PTPN5: variants seen among roughly 807,000 people sequenced by gnomAD.
PTPN5 encodes tyrosine-protein phosphatase non-receptor type 5.
Under a neutral mutation model 73.9 loss-of-function variants are expected in PTPN5, and 29 were observed. The observed-to-expected ratio is 0.39, with a 90% CI of 0.29 to 0.54. The LOEUF (loss-of-function observed/expected upper bound fraction) is 0.54. PTPN5 is among the 20% of genes least tolerant of loss of function. The pLI is 0.65. For synonymous variants in PTPN5, 267 were observed against 304.7 expected, an observed-to-expected ratio of 0.88 and a Z score of 1.29; for missense variants, 652 against 751.4, an observed-to-expected ratio of 0.87 and a Z score of 1.55.
intron 8 of PTPN5, 144 bp downstream of exon 8, chr11:18,740,459 C>T: frequency 1.5e-6 from 1 of 669,640 alleles, no homozygotes; most frequent in Non-Finnish European, 2.3e-6. Context: ...AAGCAGCTTG[C>T]CCAAGATGGT....
intron 3 of PTPN5, among the ~76,000 whole-genome samples, chr11:18,756,928 A>AC (rs1850175288): frequency 1.3e-5 from 2 of 148,428 alleles, no homozygotes; most frequent in Non-Finnish European, 3.0e-5. Flanking sequence ...CATCAAAAAA[A>AC]AAAAAAAACC....
At position 18,750,149 on chromosome 11, in the gene PTPN5, A is replaced by C. The variant is rs569532942; in HGVS notation, c.98-5950T>G. Among the ~76,000 whole-genome samples the C allele has an allele frequency of 2.6e-4, 40 of 152,324 alleles. No homozygotes were observed. The South Asian group carries it at 8.3e-3, about 32-fold the overall frequency. ...ACAGCCAGCCAAGGGCAGAGCCTGA[A>C]CGTTGAAGACTTACCGTGTGCTGGG... On this transcript the variant is annotated intron_variant, in intron 3 of 14. Transcript: ENST00000358540.
chr11:18,769,935 C>T (rs545236113), intron 2 of PTPN5, among the ~76,000 whole-genome samples: 7 of 152,156 alleles, frequency 4.6e-5, no homozygotes, highest in South Asian at 2.1e-4. Flanking sequence ...CCTGGGGTGG[C>T]GGGGGAAGCC....
chr11:18,740,123 T>G (rs1282249329), intron 8 of PTPN5, among the ~76,000 whole-genome samples: 3 of 152,214 alleles, frequency 2.0e-5, no homozygotes, highest in Non-Finnish European at 4.4e-5. Flanking sequence ...AGGAGGCAGC[T>G]GGAGGCTGCT....
At chr11:18,751,736 T>C (rs1230729996) in intron 3 of PTPN5, among the ~76,000 whole-genome samples, 1 of 152,216 alleles carries the variant, frequency 6.6e-6, no homozygotes, top group Non-Finnish European at 1.5e-5. Context: ...ACATGGGTGC[T>C]CACCACTTAT....
At chr11:18,766,402 G>T (rs1035978721) in intron 2 of PTPN5, among the ~76,000 whole-genome samples, 1 of 152,140 alleles carries the variant, frequency 6.6e-6, no homozygotes, top group Admixed American at 6.5e-5. Context: ...CAAGAAGAGG[G>T]CTCTGAGTAA....
intron 2 of PTPN5, among the ~76,000 whole-genome samples, chr11:18,769,940 G>T (rs1280353206): frequency 6.6e-6 from 1 of 152,128 alleles, no homozygotes; most frequent in African/African-American, 2.4e-5. Context: ...GGTGGCGGGG[G>T]AAGCCCTCTT....
Position 18,728,970 on chromosome 11 carries a change from G to A in PTPN5, c.1662C>T (p.Leu554=). The A allele has an allele frequency of 6.8e-6, 11 of 1,613,550 alleles. No individual in the cohort carries two copies. The highest frequency in any genetic ancestry group is 9.3e-6 in the Non-Finnish European group (11 of 1,179,792). Residue 554 remains leucine (L), a synonymous_variant, in exon 15 of 15, where the codon CTC becomes CTT. Coordinates refer to ENST00000358540, the MANE Select transcript of PTPN5 (RefSeq NM_006906.2). The surrounding 1 kb of genome is among the most constrained non-coding windows in gnomAD (Gnocchi z 4.1). ...ACTGGTGGGACAGCTGCTTTTCGTAGAGGCTCATGACGTGGTGCACAAACT... is the reference window on the plus strand; with the variant it reads ...ACTGGTGGGACAGCTGCTTTTCGTAAAGGCTCATGACGTGGTGCACAAACT... ...QYQFVHHVMS[L]YEKQLSHQSP...
At chr11:18,758,838 G>A (rs1434214670) in intron 3 of PTPN5, among the ~76,000 whole-genome samples, 1 of 152,196 alleles carries the variant, frequency 6.6e-6, no homozygotes, top group East Asian at 1.9e-4. Flanking sequence ...CTTTGAAGAT[G>A]CAGGGGACTG....
intron 3 of PTPN5, among the ~76,000 whole-genome samples, chr11:18,764,101 C>T (rs2134293348): frequency 6.6e-6 from 1 of 152,330 alleles, no homozygotes; most frequent in Middle Eastern, 3.4e-3. Flanking sequence ...CTGATGTCAT[C>T]TGGACCTCCC....
chr11:18,768,853 C>T (rs1022061918), intron 2 of PTPN5, among the ~76,000 whole-genome samples: 5 of 152,222 alleles, frequency 3.3e-5, no homozygotes, highest in African/African-American at 1.2e-4. Context: ...GGAACCCAGT[C>T]TCTGGGCGCT....
chr11:18,769,235 A>G (rs1850768489), intron 2 of PTPN5, among the ~76,000 whole-genome samples: 1 of 152,188 alleles, frequency 6.6e-6, no homozygotes, highest in African/African-American at 2.4e-5. Flanking sequence ...GCAGGCTCCC[A>G]GTCTTCTCAG....
At position 18,765,507 on chromosome 11, in the gene PTPN5, T is replaced by C. The variant is rs144083766; in HGVS notation, c.97+300A>G. On this transcript the variant is annotated intron_variant, in intron 3 of 14. Coordinates refer to ENST00000358540, the MANE Select transcript of PTPN5 (RefSeq NM_006906.2). Reference sequence around the variant, plus strand: ...CAGCCCAGCCCTGAATGGTCAGTGGTCATTCCCTAGGAGCCCTGTACTCCT... The same window carrying C: ...CAGCCCAGCCCTGAATGGTCAGTGGCCATTCCCTAGGAGCCCTGTACTCCT... Among the ~76,000 whole-genome samples the C allele has an allele frequency of 3.1e-3, 478 of 152,274 alleles. 4 individuals are homozygous for C. The highest frequency in any genetic ancestry group is 9.4e-3 in the African/African-American group (391 of 41,552).
At chr11:18,770,916 C>T (rs578166460) in intron 2 of PTPN5, among the ~76,000 whole-genome samples, 9 of 152,208 alleles carry the variant, frequency 5.9e-5, no homozygotes, top group South Asian at 4.2e-4. Flanking sequence ...ACAAAGGCAC[C>T]GCCCCTCTGC....
chr11:18,752,106 C>T (rs759152680), intron 3 of PTPN5, among the ~76,000 whole-genome samples: 7 of 152,140 alleles, frequency 4.6e-5, no homozygotes, highest in Admixed American at 2.6e-4. Context: ...TGGTGTGCGT[C>T]TGTAGTCCCA....
intron 3 of PTPN5, among the ~76,000 whole-genome samples, chr11:18,760,277 T>C (rs1172967389): frequency 6.6e-6 from 1 of 152,242 alleles, no homozygotes; most frequent in Non-Finnish European, 1.5e-5. Flanking sequence ...AGGAAGGCTA[T>C]GAAAGCTATG....
intron 2 of PTPN5, among the ~76,000 whole-genome samples, chr11:18,768,959 C>G (rs1053385596): frequency 3.3e-5 from 5 of 152,154 alleles, no homozygotes; most frequent in African/African-American, 1.2e-4. Flanking sequence ...AGCCAGGCAA[C>G]AGGAACAGAA....
intron 3 of PTPN5, among the ~76,000 whole-genome samples, chr11:18,746,065 G>T (rs1849604586): frequency 1.3e-5 from 2 of 150,512 alleles, no homozygotes. Context: ...TACTAAATGA[G>T]TGAATGATGA....
intron 9 of PTPN5, among the ~76,000 whole-genome samples, chr11:18,734,321 T>G (rs1041797506): frequency 2.6e-5 from 4 of 152,136 alleles, no homozygotes; most frequent in African/African-American, 9.7e-5. Flanking sequence ...TTTCAATTTA[T>G]TCACATGTCA....
Sources: gnomAD v4.1 joint callset for allele counts (sites outside exome capture counted in the v4.1 genomes callset) on GRCh38, gnomAD v4.1.1 for gene constraint, Gnocchi (gnomAD v3.1) non-coding constraint, MANE v1.5 for transcripts, NCBI Gene and HGNC (gene_info 2026-07-23, HGNC 2026-07-21) for gene names.